The following BICRAL variants were observed in gnomAD, a reference collection of about 807,000 sequenced individuals.
BICRAL encodes BRD4-interacting chromatin-remodeling complex-associated protein-like.
BICRAL carries 8 observed loss-of-function variants against 91.8 expected under a neutral mutation model. That is an observed-to-expected ratio of 0.09 (90% confidence interval 0.05 to 0.16). The LOEUF is 0.16. Among genes scored for constraint, BICRAL ranks in the 10% least tolerant of loss-of-function variants. The pLI is 1.00. For synonymous variants in BICRAL, 445 were observed against 491.1 expected, an observed-to-expected ratio of 0.91 and a Z score of 1.24; for missense variants, 1,038 against 1,310.9, an observed-to-expected ratio of 0.79 and a Z score of 3.21.
intron 1 of BICRAL, among the ~76,000 whole-genome samples, chr6:42,772,466 A>AG (rs540176472): frequency 1.2e-3 from 180 of 152,256 alleles, no homozygotes; most frequent in African/African-American, 4.1e-3. Flanking sequence ...CTGTTTGTTC[A>AG]GGGGCAGGGT....
intron 1 of BICRAL, among the ~76,000 whole-genome samples, chr6:42,799,785 T>C (rs1476902699): frequency 1.3e-5 from 2 of 152,178 alleles, no homozygotes; most frequent in Non-Finnish European, 2.9e-5. Context: ...TAAATCAATA[T>C]CTTTAAACTC....
chr6:42,828,512 C>A lies in BICRAL; in HGVS notation c.179C>A (p.Ser60Tyr). Reference sequence around the variant, plus strand: ...TTTTAGAATGCTGATCCTAAGTCATCCCTCAAAGGTGTAAGCAACCAGCTT... The same window carrying A: ...TTTTAGAATGCTGATCCTAAGTCATACCTCAAAGGTGTAAGCAACCAGCTT... ...ANSSNADPKS[S>Y]LKGVSNQLGE... The change falls in exon 6 of 13, where the codon TCC becomes TAC. Residue 60 changes from serine (S) to tyrosine (Y), a missense_variant. Transcript: ENST00000314073. 1 of 1,611,654 alleles carries A rather than the reference C, an allele frequency of 6.2e-7. No individual in the cohort carries two copies. The highest frequency in any genetic ancestry group is 8.5e-7 in the Non-Finnish European group (1 of 1,178,880).
intron 1 of BICRAL, among the ~76,000 whole-genome samples, chr6:42,765,936 ATTTG>A (rs1408415678): frequency 1.3e-5 from 2 of 151,936 alleles, no homozygotes; most frequent in Admixed American, 1.3e-4. Context: ...ATATGTGGGG[ATTTG>A]TTTGTTTGCT....
intron 1 of BICRAL, among the ~76,000 whole-genome samples, chr6:42,764,293 A>G (rs1762602101): frequency 6.6e-6 from 1 of 151,740 alleles, no homozygotes; most frequent in Non-Finnish European, 1.5e-5. Flanking sequence ...CACACCTGTA[A>G]TCCCAGCACT....
rs561200325 is a variant in BICRAL at position 42,803,481 on chromosome 6, A to G, written c.-101-6825A>G. 5.3e-5 allele frequency among the ~76,000 whole-genome samples: 8 copies of G among 152,290 alleles called. No individual in the cohort carries two copies. In the South Asian group the frequency reaches 6.2e-4, roughly 12 times the overall value. On this transcript the variant is annotated intron_variant, in intron 1 of 12. Coordinates refer to ENST00000314073, the MANE Select transcript of BICRAL (RefSeq NM_001393499.1). The stretch of plus-strand genomic sequence containing the variant: ...TGCATCCCAAATCCTGTGCTGTACC[A>G]TCGTCAAAAAGTGCTCACATGTAGC...
At chr6:42,781,873 G>A (rs554558200), upstream of BICRAL, 8 of 148,514 alleles carry the variant, frequency 5.4e-5, no homozygotes, top group African/African-American at 1.9e-4. Flanking sequence ...ACGAGCAGGC[G>A]AGCGGTTTGC....
At chr6:42,838,029 CTA>C (rs1429552423) in intron 6 of BICRAL, among the ~76,000 whole-genome samples, 62 of 152,206 alleles carry the variant, frequency 4.1e-4, no homozygotes, top group Non-Finnish European at 1.3e-4. Flanking sequence ...TCTATAGTCT[CTA>C]TGTGTATGTA....
At chr6:42,841,344 A>G (rs1177113782) in intron 6 of BICRAL, among the ~76,000 whole-genome samples, 1 of 151,620 alleles carries the variant, frequency 6.6e-6, no homozygotes. Flanking sequence ...GTGCACCACC[A>G]CACCTGGCTA....
chr6:42,857,291 A>T, intron 10 of BICRAL, 55 bp downstream of exon 10: 1 of 1,480,242 alleles, frequency 6.8e-7, no homozygotes, highest in Non-Finnish European at 9.2e-7. Flanking sequence ...CCCTCCATGG[A>T]CACCCCCCAG....
In BICRAL at chr6:42,864,889, A is replaced by G. The variant is rs139801339; in HGVS notation, c.2683A>G (p.Lys895Glu). 2 of 1,614,110 alleles carry G rather than the reference A, an allele frequency of 1.2e-6. No homozygotes were observed. Among genetic ancestry groups the G allele is most frequent in the South Asian group, 1.1e-5 (1 of 91,080 alleles). The change falls in exon 13 of 13, where the codon AAA becomes GAA. Residue 895 changes from lysine to glutamate, a missense_variant. Coordinates refer to ENST00000314073, the MANE Select transcript of BICRAL (RefSeq NM_001393499.1). ...GGTCTCTGCAGAAGGAAACATTTCTAAAAAAACAGAATGCCTTGGCAGAGC... is the reference window on the plus strand; with the variant it reads ...GGTCTCTGCAGAAGGAAACATTTCTGAAAAAACAGAATGCCTTGGCAGAGC... ...IVVSAEGNIS[K>E]KTECLGRALK... is the part of the protein sequence containing the mutation.
intron 1 of BICRAL, among the ~76,000 whole-genome samples, chr6:42,749,108 C>T (rs1366514254): frequency 6.6e-6 from 1 of 152,036 alleles, no homozygotes. Context: ...TGGACTTTAC[C>T]GTTTATTTAA....
At position 42,829,356 on chromosome 6, in the gene BICRAL, G is replaced by C. The variant is rs1764404305; in HGVS notation, c.1023G>C (p.Gly341=). 6.2e-7 allele frequency: 1 copy of C among 1,614,158 alleles called. No individual in the cohort carries two copies. The highest frequency in any genetic ancestry group is 8.5e-7 in the Non-Finnish European group (1 of 1,180,030). The change falls in exon 6 of 13, where the codon GGG becomes GGC. Residue 341 remains glycine (G), a synonymous_variant. Transcript: ENST00000314073. ...LGIQQHHVQQ[G]ISFASASSPQ... ...TTCAGCAGCACCACGTACAACAAGG[G>C]ATCTCTTTTGCTTCTGCAAGCTCAC...
Position 42,807,584 on chromosome 6 carries a change from T to C in BICRAL, c.-101-2722T>C, listed in dbSNP as rs114831997. On this transcript the variant is annotated intron_variant, in intron 1 of 12. Coordinates refer to ENST00000314073, the MANE Select transcript of BICRAL (RefSeq NM_001393499.1). ...ATACAGATTCTTTTTTTAAAAAATG[T>C]GATCCCTGAGGTCAAGTGATTGAGA... 2.5e-3 allele frequency among the ~76,000 whole-genome samples: 379 copies of C among 151,986 alleles called. 3 individuals are homozygous for C. The highest frequency in any genetic ancestry group is 0.014 in the Middle Eastern group (4 of 294).
At chr6:42,815,270 AC>A (rs1294626001) in intron 2 of BICRAL, among the ~76,000 whole-genome samples, 3 of 148,656 alleles carry the variant, frequency 2.0e-5, no homozygotes, top group Non-Finnish European at 4.5e-5. Context: ...GCTCACTGCA[AC>A]CCCCATCTCC....
At chr6:42,806,012 AACG>A (rs1054976522) in intron 1 of BICRAL, among the ~76,000 whole-genome samples, 16 of 46,822 alleles carry the variant, frequency 3.4e-4, no homozygotes, top group South Asian at 8.9e-4. Flanking sequence ...AAAAAAAAAA[AACG>A]AAGGAAGAAG....
chr6:42,752,912 CTTTTTTTTTT>C lies in BICRAL; in HGVS notation c.-261+5903_-261+5912del, dbSNP rs57864510. On this transcript the variant is annotated intron_variant, in intron 1 of 14. Coordinates refer to the BICRAL transcript ENST00000614467. ...GCCACAGTGCCCTGCCCCCAGCTGA[CTTTTTTTTTT>C]TTTTTTTTTTTTTGGTTGGGGGGGT... Among the ~76,000 whole-genome samples, 380 of 82,218 alleles carry C rather than the reference CTTTTTTTTTT, an allele frequency of 4.6e-3. 4 individuals carry two copies. The highest frequency in any genetic ancestry group is 0.018 in the African/African-American group (366 of 20,146). 53.9% of individuals were successfully genotyped at this position (82,218 alleles called of 152,430 possible). A position where few individuals can be genotyped will look rare whatever the true frequency, so the allele number is the denominator to read the frequency against.
intron 1 of BICRAL, among the ~76,000 whole-genome samples, chr6:42,755,528 C>T (rs556361176): frequency 9.2e-5 from 14 of 152,314 alleles, no homozygotes; most frequent in African/African-American, 3.1e-4. Flanking sequence ...AGGACCTCCA[C>T]ATGCCTCCCC....
At chr6:42,849,420 ATAAT>A (rs1765111128) in intron 6 of BICRAL, among the ~76,000 whole-genome samples, 4 of 151,456 alleles carry the variant, frequency 2.6e-5, no homozygotes, top group South Asian at 2.1e-4. Context: ...AGAGAACCAA[ATAAT>A]TAATTGTTTA....
intron 1 of BICRAL, among the ~76,000 whole-genome samples, chr6:42,798,706 A>G (rs1341767719): frequency 6.6e-6 from 1 of 152,208 alleles, no homozygotes; most frequent in Non-Finnish European, 1.5e-5. Context: ...AAAATCAGAA[A>G]AAAAATTGTG....
Sources: allele counts gnomAD v4.1 joint callset (sites outside exome capture counted in the v4.1 genomes callset), GRCh38; gene constraint gnomAD v4.1.1; transcripts MANE v1.5; gene names NCBI Gene and HGNC (gene_info 2026-07-23, HGNC 2026-07-21).